Variants in DLEU7 observed in about 807,000 individuals in gnomAD.
DLEU7 encodes the protein leukemia-associated protein 7.
DLEU7 carries 17 observed loss-of-function variants against 16.0 expected under a neutral mutation model. The ratio of observed to expected loss-of-function variants is 1.06; its 90% confidence interval spans 0.73 to 1.59. DLEU7 has a LOEUF of 1.59. DLEU7 is among the 40% of genes most tolerant of loss of function. The pLI is 0.00. For missense variants in DLEU7, 308 were observed against 314.9 expected, an observed-to-expected ratio of 0.98 and a Z score of 0.17; for synonymous variants, 113 against 139.8, an observed-to-expected ratio of 0.81 and a Z score of 1.35.
intron 1 of DLEU7, among the ~76,000 whole-genome samples, chr13:50,807,126 A>G (rs1566257460): frequency 6.6e-6 from 1 of 151,566 alleles, no homozygotes; most frequent in Non-Finnish European, 1.5e-5. Context: ...ATTAATTTTT[A>G]AAGAGAGTTT....
At chr13:50,806,476 T>A (rs998275861) in intron 1 of DLEU7, among the ~76,000 whole-genome samples, 1 of 152,134 alleles carries the variant, frequency 6.6e-6, no homozygotes. Flanking sequence ...ATGAAGAACA[T>A]AAACACAACT....
At chr13:50,809,274 A>G (rs1456019385) in intron 1 of DLEU7, among the ~76,000 whole-genome samples, 3 of 152,186 alleles carry the variant, frequency 2.0e-5, no homozygotes, top group African/African-American at 7.2e-5. Flanking sequence ...GTTTCACTCA[A>G]TCTATTCCAG....
intron 1 of DLEU7, among the ~76,000 whole-genome samples, chr13:50,802,819 T>C (rs925226511): frequency 4.6e-5 from 7 of 152,308 alleles, no homozygotes; most frequent in African/African-American, 1.2e-4. Context: ...CATGTGTATA[T>C]CATACATGTA....
At chr13:50,730,944 C>T (rs963041015) in intron 1 of DLEU7, among the ~76,000 whole-genome samples, 4 of 152,136 alleles carry the variant, frequency 2.6e-5, no homozygotes, top group Admixed American at 6.5e-5. Flanking sequence ...CCTCTCCACA[C>T]CCACATAACA....
At chr13:50,832,504 AT>A (rs1361421789) in intron 1 of DLEU7, among the ~76,000 whole-genome samples, 1 of 151,988 alleles carries the variant, frequency 6.6e-6, no homozygotes, top group Non-Finnish European at 1.5e-5. Flanking sequence ...AATTGTAGTT[AT>A]TTACTATCTT....
chr13:50,798,768 G>T (rs138248999), intron 1 of DLEU7, among the ~76,000 whole-genome samples: 3 of 152,184 alleles, frequency 2.0e-5, no homozygotes, highest in African/African-American at 7.2e-5. Context: ...TCAGAGTGCT[G>T]GAACCTCGAG....
intron 1 of DLEU7, among the ~76,000 whole-genome samples, chr13:50,807,254 C>T (rs1876418703): frequency 6.6e-6 from 1 of 151,984 alleles, no homozygotes; most frequent in Non-Finnish European, 1.5e-5. Context: ...TAAAATGATA[C>T]TATACCGGCT....
chr13:50,837,147 C>T (rs1877497780), intron 1 of DLEU7, among the ~76,000 whole-genome samples: 1 of 152,194 alleles, frequency 6.6e-6, no homozygotes, highest in African/African-American at 2.4e-5. Flanking sequence ...AACATTTTTA[C>T]TTGTGGTGTA....
rs1195011138 is a variant in DLEU7 at position 50,808,702 on chromosome 13, T to A, written c.459+34486A>T. Reference sequence around the variant, plus strand: ...AGCAACACCAGGAAGAAGAACAAATTTGGGGTGAGTAGGGGTGGAAAGGAT... The same window carrying A: ...AGCAACACCAGGAAGAAGAACAAATATGGGGTGAGTAGGGGTGGAAAGGAT... On this transcript the variant is annotated intron_variant, in intron 1 of 1. Transcript: ENST00000400393. 5 of 151,804 alleles carry A rather than the reference T, an allele frequency of 3.3e-5. No individual in the cohort carries two copies. The East Asian group carries it at 9.7e-4, about 29-fold the overall frequency. 9.4% of individuals were successfully genotyped at this position (151,804 alleles called of 1,614,324 possible). A position where few individuals can be genotyped will look rare whatever the true frequency, so the allele number is the denominator to read the frequency against.
At chr13:50,806,019 T>C (rs1482010095) in intron 1 of DLEU7, among the ~76,000 whole-genome samples, 1 of 152,188 alleles carries the variant, frequency 6.6e-6, no homozygotes, top group African/African-American at 2.4e-5. Context: ...AAAACCTCCA[T>C]TTACATTTCA....
At chr13:50,818,052 A>G (rs1042195428), downstream of DLEU7, among the ~76,000 whole-genome samples, 1 of 152,176 alleles carries the variant, frequency 6.6e-6, no homozygotes, top group Non-Finnish European at 1.5e-5. Flanking sequence ...AAAAATAAGA[A>G]TTAAAGGAAA....
At chr13:50,838,015 G>A (rs1337573760) in intron 1 of DLEU7, among the ~76,000 whole-genome samples, 4 of 152,110 alleles carry the variant, frequency 2.6e-5, no homozygotes, top group Non-Finnish European at 5.9e-5. Context: ...TATAAGGAGA[G>A]AGAAAATTGA....
chr13:50,719,402 T>C (rs1189289675), intron 1 of DLEU7, among the ~76,000 whole-genome samples: 1 of 152,188 alleles, frequency 6.6e-6, no homozygotes, highest in Non-Finnish European at 1.5e-5. Flanking sequence ...AAATTCTTCT[T>C]CAGTATTTCA....
intron 1 of DLEU7, among the ~76,000 whole-genome samples, chr13:50,731,910 A>T (rs898856385): frequency 6.6e-6 from 1 of 152,064 alleles, no homozygotes; most frequent in African/African-American, 2.4e-5. Flanking sequence ...TTAAAAATCT[A>T]CTTATAATAT....
At chr13:50,782,738 A>C (rs1452858285) in intron 1 of DLEU7, among the ~76,000 whole-genome samples, 1 of 151,796 alleles carries the variant, frequency 6.6e-6, no homozygotes, top group African/African-American at 2.4e-5. Context: ...TTTGAATAAA[A>C]ATGTGAATTC....
chr13:50,802,376 C>T (rs190774835), intron 1 of DLEU7, among the ~76,000 whole-genome samples: 1,917 of 152,198 alleles, frequency 0.013, 45 homozygotes, highest in African/African-American at 0.044. Flanking sequence ...AAAGAAAGAA[C>T]TAAGCAAAAC....
In DLEU7 at chr13:50,831,158, GGAAAA is replaced by G. The variant is rs145309017; in HGVS notation, c.460-7643_460-7639del. Among the ~76,000 whole-genome samples the G allele has an allele frequency of 7.2e-3, 1,082 of 151,126 alleles. 24 individuals carry two copies. The highest frequency in any genetic ancestry group is 0.044 in the Admixed American group (662 of 15,078). ...GGGAGAGGGAAAAAGAAAGGGGAAG[GGAAAA>G]GAAAAGAAAAGAGAAAAGAAAAAAA... On this transcript the variant is annotated intron_variant, in intron 1 of 1. Coordinates refer to ENST00000504404, the MANE Select transcript of DLEU7 (RefSeq NM_001306135.2).
chr13:50,753,258 G>A (rs584042), intron 1 of DLEU7, among the ~76,000 whole-genome samples: 64,610 of 152,138 alleles, frequency 0.42, 14,117 homozygotes, highest in African/African-American at 0.47. Flanking sequence ...AGTGGATCCC[G>A]CACCAGGGCT....
intron 1 of DLEU7, among the ~76,000 whole-genome samples, chr13:50,730,268 C>A (rs1232730043): frequency 1.3e-5 from 2 of 151,784 alleles, no homozygotes; most frequent in African/African-American, 4.8e-5. Flanking sequence ...TGCAAGTAAG[C>A]AGATCTGAGC....
Sources: gnomAD v4.1 joint callset for allele counts (sites outside exome capture counted in the v4.1 genomes callset) on GRCh38, gnomAD v4.1.1 for gene constraint, MANE v1.5 for transcripts, NCBI Gene and HGNC (gene_info 2026-07-23, HGNC 2026-07-21) for gene names.